The following FBXO4 variants were observed in gnomAD, a reference collection of about 807,000 sequenced individuals.
FBXO4 encodes F-box protein 4, also known as F-box only protein 4.
FBXO4 carries 36 observed loss-of-function variants against 43.7 expected under a neutral mutation model. The observed-to-expected ratio is 0.82, with a 90% CI of 0.63 to 1.09. The LOEUF is 1.09. Among genes scored for constraint, FBXO4 ranks in the 50% least tolerant of loss-of-function variants. The probability of loss-of-function intolerance (pLI) is 0.00; values close to 1 mark genes in which losing one functional copy is unlikely to be tolerated. For synonymous variants in FBXO4, 180 were observed against 165.6 expected, an observed-to-expected ratio of 1.09 and a Z score of -0.67; for missense variants, 435 against 474.1, an observed-to-expected ratio of 0.92 and a Z score of 0.77.
At chr5:41,938,676 A>G (rs1342477383) in intron 5 of FBXO4, among the ~76,000 whole-genome samples, 1 of 152,150 alleles carries the variant, frequency 6.6e-6, no homozygotes, top group Admixed American at 6.5e-5. Context: ...TTTGTGTATC[A>G]TATGGTTGCA....
the FBXO4 span, among the ~76,000 whole-genome samples, chr5:42,040,148 C>A: frequency 6.6e-6 from 1 of 152,040 alleles, no homozygotes; most frequent in Non-Finnish European, 1.5e-5. Context: ...AACTAATACA[C>A]CTCCCTTTTG....
chr5:41,999,524 C>CATATATATGTATATATAT, the FBXO4 span, among the ~76,000 whole-genome samples: 1 of 87,842 alleles, frequency 1.1e-5, no homozygotes, highest in African/African-American at 5.1e-5. Context: ...TATATATATA[C>CATATATATGTATATATAT]ATATATATAT....
chr5:42,016,339 G>A, the FBXO4 span, among the ~76,000 whole-genome samples: 1 of 151,926 alleles, frequency 6.6e-6, no homozygotes, highest in South Asian at 2.1e-4. Context: ...AGATGCAGAA[G>A]GAAAGCTTTA....
chr5:41,994,063 G>A, the FBXO4 span, among the ~76,000 whole-genome samples: 1 of 152,048 alleles, frequency 6.6e-6, no homozygotes, highest in South Asian at 2.1e-4. Flanking sequence ...TCCACTCCTA[G>A]ACAACTTGAA....
intron 4 of FBXO4, 35 bp downstream of exon 4, chr5:41,934,056 T>C (rs890636087): frequency 4.3e-6 from 7 of 1,611,210 alleles, no homozygotes; most frequent in East Asian, 2.2e-5. Flanking sequence ...AACTGAAACA[T>C]CAGAACTAAA....
At chr5:41,987,058 G>T in the FBXO4 span, among the ~76,000 whole-genome samples, 1 of 152,040 alleles carries the variant, frequency 6.6e-6, no homozygotes, top group Non-Finnish European at 1.5e-5. Context: ...AGAAAATGAT[G>T]AAACAAATAA....
At chr5:41,925,537 G>C in intron 1 of FBXO4, 39 bp downstream of exon 1, 3 of 1,285,098 alleles carry the variant, frequency 2.3e-6, no homozygotes, top group Non-Finnish European at 3.0e-6. Flanking sequence ...CAGTGGGGCC[G>C]GCCCGGGCCG....
chr5:41,932,579 T>A (rs1751721432), intron 3 of FBXO4, among the ~76,000 whole-genome samples: 1 of 152,204 alleles, frequency 6.6e-6, no homozygotes, highest in South Asian at 2.1e-4. Context: ...GGACCAGATA[T>A]TATGGTTTTA....
At chr5:42,018,891 A>G in the FBXO4 span, among the ~76,000 whole-genome samples, 1 of 152,168 alleles carries the variant, frequency 6.6e-6, no homozygotes, top group Non-Finnish European at 1.5e-5. Flanking sequence ...AGGGAGAGAA[A>G]TGCTGCTAGG....
chr5:41,928,344 T>TA (rs1474290900), intron 2 of FBXO4, among the ~76,000 whole-genome samples: 4 of 151,796 alleles, frequency 2.6e-5, no homozygotes, highest in African/African-American at 9.7e-5. Context: ...TTTTCTTTTT[T>TA]TTTTTTTTGA....
chr5:42,029,959 A>T, the FBXO4 span, among the ~76,000 whole-genome samples: 1 of 152,124 alleles, frequency 6.6e-6, no homozygotes, highest in African/African-American at 2.4e-5. Context: ...ACAAAAGAGG[A>T]TACAAACAAA....
the FBXO4 span, among the ~76,000 whole-genome samples, chr5:41,957,897 C>T: frequency 2.6e-4 from 40 of 152,024 alleles, no homozygotes; most frequent in Non-Finnish European, 5.6e-4. Context: ...AGACAACTAA[C>T]GTGGAGATAT....
In FBXO4 at chr5:41,929,803, C is replaced by T. The variant is rs764466943; in HGVS notation, c.532C>T (p.Arg178Ter). The change falls in exon 3 of 7, where the codon CGA becomes TGA. Residue 178 changes from arginine (R) to a stop codon, truncating the protein, a stop_gained. Transcript: ENST00000281623. LOFTEE classifies it high-confidence loss of function. ...LHSLIIQNEP[R>*]FAMFGPGLEE... ...CTCCCTGATCATTCAGAATGAACCA[C>T]GATTTGCTATGTTTGGACCAGGTTT... 7 of 1,614,022 alleles carry T rather than the reference C, an allele frequency of 4.3e-6. No individual in the cohort carries two copies. The highest frequency in any genetic ancestry group is 2.2e-5 in the South Asian group (2 of 91,082).
the FBXO4 span, among the ~76,000 whole-genome samples, chr5:42,003,720 C>T: frequency 7.0e-6 from 1 of 142,974 alleles, no homozygotes; most frequent in Non-Finnish European, 1.5e-5. Context: ...ACCCTGTGTC[C>T]AAGTGTTCTC....
At chr5:41,936,110 T>A (rs939502220) in intron 5 of FBXO4, among the ~76,000 whole-genome samples, 2 of 152,168 alleles carry the variant, frequency 1.3e-5, no homozygotes, top group African/African-American at 4.8e-5. Context: ...CTCTTCTACA[T>A]AAAACACCTA....
chr5:42,038,933 T>C, the FBXO4 span, among the ~76,000 whole-genome samples: 4 of 152,120 alleles, frequency 2.6e-5, no homozygotes, highest in Non-Finnish European at 5.9e-5. Context: ...TTTTTGCCTC[T>C]ACTTTGTTTA....
At chr5:42,014,784 C>T in the FBXO4 span, among the ~76,000 whole-genome samples, 1 of 152,014 alleles carries the variant, frequency 6.6e-6, no homozygotes, top group Admixed American at 6.6e-5. Context: ...GACTGGAATC[C>T]AAGTCTCTTT....
At chr5:41,961,341 TG>T in the FBXO4 span, among the ~76,000 whole-genome samples, 1 of 152,170 alleles carries the variant, frequency 6.6e-6, no homozygotes, top group Non-Finnish European at 1.5e-5. Context: ...CTCTTCACAC[TG>T]GGTCTACTTT....
At chr5:41,957,935 G>A in the FBXO4 span, among the ~76,000 whole-genome samples, 24 of 151,850 alleles carry the variant, frequency 1.6e-4, no homozygotes, top group African/African-American at 5.8e-4. Flanking sequence ...AATTTAGTTG[G>A]GTCTGGGCTT....
Sources: gnomAD v4.1 joint callset for allele counts (sites outside exome capture counted in the v4.1 genomes callset) on GRCh38, gnomAD v4.1.1 for gene constraint, MANE v1.5 for transcripts, NCBI Gene and HGNC (gene_info 2026-07-23, HGNC 2026-07-21) for gene names.